Variants in PGCKA1 observed in about 807,000 individuals in gnomAD.
The protein encoded by PGCKA1 is PDCD10 and GCKIII kinases associated 1, also known as PDCD10 and GCKIII kinases-associated protein 1.
At chr4:37,524,742 T>C in the PGCKA1 span, among the ~76,000 whole-genome samples, 1 of 152,360 alleles carries the variant, frequency 6.6e-6, no homozygotes. Context: ...TACTGCTTAG[T>C]AAAGACAGTG....
chr4:37,498,389 T>G, the PGCKA1 span, among the ~76,000 whole-genome samples: 1 of 152,234 alleles, frequency 6.6e-6, no homozygotes, highest in Admixed American at 6.5e-5. Flanking sequence ...CTGTGTGGGA[T>G]CTCTTTTGGT....
chr4:37,486,796 CACATGCACAT>C, the PGCKA1 span, among the ~76,000 whole-genome samples: 1 of 152,170 alleles, frequency 6.6e-6, no homozygotes, highest in Admixed American at 6.5e-5. Flanking sequence ...CACATGCACA[CACATGCACAT>C]TGTCCCATAC....
the PGCKA1 span, among the ~76,000 whole-genome samples, chr4:37,555,728 C>T: frequency 2.6e-5 from 4 of 152,160 alleles, no homozygotes; most frequent in Non-Finnish European, 5.9e-5. Context: ...GGACTGGTAG[C>T]TGTTCTCTTT....
chr4:37,494,362 T>C, the PGCKA1 span, among the ~76,000 whole-genome samples: 1 of 152,192 alleles, frequency 6.6e-6, no homozygotes, highest in Non-Finnish European at 1.5e-5. Context: ...CTCCCACTTA[T>C]AAGTGATAAC....
the PGCKA1 span, among the ~76,000 whole-genome samples, chr4:37,559,545 GTAAC>G: frequency 7.5e-3 from 1,131 of 151,798 alleles, 4 homozygotes; most frequent in Middle Eastern, 0.02. Flanking sequence ...GTATACATAT[GTAAC>G]TAACCTGCAC....
At chr4:37,474,040 T>C in the PGCKA1 span, among the ~76,000 whole-genome samples, 3 of 152,174 alleles carry the variant, frequency 2.0e-5, no homozygotes, top group African/African-American at 7.2e-5. Context: ...GGGCAAAGAC[T>C]GGCTTGGACA....
At chr4:37,489,391 T>A in the PGCKA1 span, among the ~76,000 whole-genome samples, 1 of 152,176 alleles carries the variant, frequency 6.6e-6, no homozygotes, top group East Asian at 1.9e-4. Flanking sequence ...CTCTGTTTTT[T>A]TGCCCTAGCT....
the PGCKA1 span, among the ~76,000 whole-genome samples, chr4:37,585,866 G>A: frequency 6.6e-6 from 1 of 151,898 alleles, no homozygotes; most frequent in African/African-American, 2.4e-5. Flanking sequence ...GACTGTTGTT[G>A]TACTTGGGGT....
At chr4:37,566,532 C>T in the PGCKA1 span, among the ~76,000 whole-genome samples, 12 of 152,092 alleles carry the variant, frequency 7.9e-5, no homozygotes, top group Middle Eastern at 3.4e-3. Context: ...CCACCCATAT[C>T]GGCCTCCCAA....
At chr4:37,482,082 G>A in the PGCKA1 span, among the ~76,000 whole-genome samples, 2 of 152,090 alleles carry the variant, frequency 1.3e-5, no homozygotes, top group African/African-American at 4.8e-5. Flanking sequence ...CTTTCTCTTT[G>A]TAAATTACCC....
the PGCKA1 span, among the ~76,000 whole-genome samples, chr4:37,532,532 T>G: frequency 6.6e-6 from 1 of 151,402 alleles, no homozygotes; most frequent in Non-Finnish European, 1.5e-5. Context: ...TACTATTATT[T>G]GTAAACTATG....
the PGCKA1 span, among the ~76,000 whole-genome samples, chr4:37,542,811 A>G: frequency 6.6e-6 from 1 of 152,214 alleles, no homozygotes; most frequent in South Asian, 2.1e-4. Flanking sequence ...TGTTTTGCCT[A>G]TAATCTCTAT....
chr4:37,543,027 C>T, the PGCKA1 span, among the ~76,000 whole-genome samples: 2 of 152,196 alleles, frequency 1.3e-5, no homozygotes, highest in Admixed American at 6.5e-5. Context: ...CTAATTCACT[C>T]TTTCTCATGA....
At chr4:37,475,289 CT>C in the PGCKA1 span, among the ~76,000 whole-genome samples, 5 of 151,976 alleles carry the variant, frequency 3.3e-5, no homozygotes, top group South Asian at 2.1e-4. Flanking sequence ...AACAATGCTC[CT>C]TTTTTTTCCT....
chr4:37,571,399 A>G, the PGCKA1 span, among the ~76,000 whole-genome samples: 1,266 of 117,284 alleles, frequency 0.011, 21 homozygotes, highest in African/African-American at 0.038. Context: ...ACCTCACTCT[A>G]TCATCCAGGC....
At chr4:37,578,684 A>T in the PGCKA1 span, among the ~76,000 whole-genome samples, 1 of 151,022 alleles carries the variant, frequency 6.6e-6, no homozygotes, top group Non-Finnish European at 1.5e-5. Flanking sequence ...ATATAATTTA[A>T]TTTCTTGATT....
chr4:37,493,384 T>C, the PGCKA1 span, among the ~76,000 whole-genome samples: 4 of 152,228 alleles, frequency 2.6e-5, no homozygotes, highest in Non-Finnish European at 5.9e-5. Context: ...TTTTTCTTAA[T>C]TCCCACTTCA....
At chr4:37,460,077 A>C in the PGCKA1 span, among the ~76,000 whole-genome samples, 1,332 of 152,194 alleles carry the variant, frequency 8.8e-3, 25 homozygotes, top group African/African-American at 0.031. Flanking sequence ...ATGAGTGAGA[A>C]CATGTGGTGT....
the PGCKA1 span, among the ~76,000 whole-genome samples, chr4:37,548,027 G>GA: frequency 6.6e-6 from 1 of 151,152 alleles, no homozygotes; most frequent in East Asian, 1.9e-4. Flanking sequence ...AAAAAAGGGG[G>GA]GGAGGCAGAA....
Sources: allele counts gnomAD v4.1 joint callset (sites outside exome capture counted in the v4.1 genomes callset), GRCh38; gene constraint gnomAD v4.1.1; transcripts MANE v1.5; gene names NCBI Gene and HGNC (gene_info 2026-07-23, HGNC 2026-07-21).